NUCKS1: variants seen among roughly 807,000 people sequenced by gnomAD.
NUCKS1 encodes the protein nuclear casein kinase and cyclin dependent kinase substrate 1, also known as nuclear ubiquitous casein and cyclin-dependent kinase substrate 1.
NUCKS1 carries 2 observed loss-of-function variants against 33.0 expected under a neutral mutation model. The ratio of observed to expected loss-of-function variants is 0.06; its 90% CI spans 0.02 to 0.19. The LOEUF (loss-of-function observed/expected upper bound fraction) is 0.19. Among genes scored for constraint, NUCKS1 ranks in the 10% least tolerant of loss-of-function variants. The pLI, the probability that NUCKS1 is intolerant of heterozygous loss-of-function variation, is 1.00. For missense variants in NUCKS1, 201 were observed against 293.6 expected (o/e 0.68, Z 2.31); for synonymous variants, 106 against 102.8 (o/e 1.03, Z -0.19).
chr1:205,738,274 C>T (rs776889106), intron 1 of NUCKS1, among the ~76,000 whole-genome samples: 31 of 151,964 alleles, frequency 2.0e-4, no homozygotes, highest in African/African-American at 2.9e-4. Flanking sequence ...GTGATCTGCC[C>T]GCCTTGGCCT....
At chr1:205,745,309 A>G (rs823131) in intron 1 of NUCKS1, among the ~76,000 whole-genome samples, 131,511 of 152,026 alleles carry the variant, frequency 0.87, 58,270 homozygotes, top group Non-Finnish European at 0.97. Context: ...TCTCAGCCTG[A>G]GCAACATGGT....
Position 205,750,100 on chromosome 1 carries a change from T to G in NUCKS1, c.-127A>C. 7.8e-6 allele frequency: 7 copies of G among 894,960 alleles called. No individual in the cohort carries two copies. Among genetic ancestry groups the G allele is most frequent in the Admixed American group, 2.4e-5 (1 of 40,962 alleles). The allele number at this position is 894,960 out of a possible 1,614,324, so 55.4% of individuals were successfully genotyped here. Reference sequence around the variant, plus strand: ...CCGCTGCTGCCGAACCCCGAGCTGCTGGCTTCTCAAACTCCGCTGCTCTTT... The same window carrying G: ...CCGCTGCTGCCGAACCCCGAGCTGCGGGCTTCTCAAACTCCGCTGCTCTTT... On this transcript the variant is annotated 5_prime_UTR_variant, in exon 1 of 7. Coordinates refer to ENST00000367142, the MANE Select transcript of NUCKS1 (RefSeq NM_022731.5).
At chr1:205,725,923 C>T (rs1251492782) in intron 3 of NUCKS1, among the ~76,000 whole-genome samples, 10 of 151,952 alleles carry the variant, frequency 6.6e-5, no homozygotes, top group African/African-American at 1.5e-4. Context: ...CTGTTTGGCC[C>T]GGCGCGGTGG....
chr1:205,729,849 T>C lies in NUCKS1; in HGVS notation c.18-228A>G, dbSNP rs537385332. ...TCAGCCTAACCAACATAGAGAAACC[T>C]TGTCTCTACTAAAAACACAAAATTA... is the stretch of plus-strand genomic sequence containing the variant. On this transcript the variant is annotated intron_variant, in intron 1 of 6. Transcript: ENST00000367142. Among the ~76,000 whole-genome samples, 105 of 152,038 alleles carry C rather than the reference T, an allele frequency of 6.9e-4. No homozygotes were observed. The highest frequency in any genetic ancestry group is 2.2e-3 in the African/African-American group (93 of 41,482).
Position 205,717,548 on chromosome 1 carries a change from T to A in NUCKS1, c.*732A>T. On this transcript the variant is annotated 3_prime_UTR_variant, in exon 7 of 7. Coordinates refer to ENST00000367142, the MANE Select transcript of NUCKS1 (RefSeq NM_022731.5). ...GACTGTAGCAGGATAAAAGGATCAC[T>A]GGCTCCGAGTCTCTTTGAGATAACA... 1.0e-6 allele frequency: 1 copy of A among 985,088 alleles called. No homozygotes were observed. The highest frequency in any genetic ancestry group is 1.7e-5 in the African/African-American group (1 of 57,230). 61.0% of individuals were successfully genotyped at this position (985,088 alleles called of 1,614,324 possible).
intron 1 of NUCKS1, among the ~76,000 whole-genome samples, chr1:205,749,228 A>G (rs1654410642): frequency 6.6e-6 from 1 of 152,194 alleles, no homozygotes; most frequent in Non-Finnish European, 1.5e-5. Context: ...CTAGTCGGAG[A>G]GAAAGAGCGA....
chr1:205,739,185 T>C (rs1654105328), intron 1 of NUCKS1, among the ~76,000 whole-genome samples: 1 of 152,166 alleles, frequency 6.6e-6, no homozygotes, highest in South Asian at 2.1e-4. Flanking sequence ...CATTAAGTGG[T>C]AAAAACCATT....
chr1:205,749,987 ACAGGACCGAGTCGAGAAGCCAAAGAC>A lies in NUCKS1; in HGVS notation c.-40_-15del, dbSNP rs762610266. On this transcript the variant is annotated 5_prime_UTR_variant, in exon 1 of 7. Transcript: ENST00000367142. Reference sequence around the variant, plus strand: ...AGGCCGCGACATGTTCGCTGTCGAAACAGGACCGAGTCGAGAAGCCAAAGACCAGGACCCCCCCCACCCCGCGCGCT... The same window carrying A: ...AGGCCGCGACATGTTCGCTGTCGAAACAGGACCCCCCCCACCCCGCGCGCT... 1.3e-6 allele frequency: 2 copies of A among 1,593,066 alleles called. No individual in the cohort carries two copies. The highest frequency in any genetic ancestry group is 1.1e-5 in the South Asian group (1 of 90,416).
chr1:205,749,799 C>G (rs1235951576), intron 1 of NUCKS1, among the ~76,000 whole-genome samples, 158 bp downstream of exon 1: 3 of 151,188 alleles, frequency 2.0e-5, no homozygotes, highest in Non-Finnish European at 4.4e-5. Flanking sequence ...CGCGCGCCAG[C>G]AGGGCCCCCC....
intron 1 of NUCKS1, among the ~76,000 whole-genome samples, chr1:205,748,978 A>T (rs1031191312): frequency 6.6e-6 from 1 of 152,218 alleles, no homozygotes; most frequent in Non-Finnish European, 1.5e-5. Flanking sequence ...GGAGAATGGC[A>T]TAGGACGATT....
rs182934830 is a variant in NUCKS1, at chr1:205,729,938, T to C, written c.18-317A>G. 4.0e-4 allele frequency among the ~76,000 whole-genome samples: 60 copies of C among 151,830 alleles called. 1 individual carries two copies. Among genetic ancestry groups the C allele is most frequent in the African/African-American group, 1.3e-3 (54 of 41,380 alleles). On this transcript the variant is annotated intron_variant, in intron 1 of 6. Transcript: ENST00000367142. ...TGGGAAGCTGAGGTAGGAGAATCAC[T>C]TGAACCCAGGGGTCAGAGGTTGTGG...
chr1:205,734,739 C>T lies in NUCKS1; in HGVS notation c.18-5118G>A, dbSNP rs145651960. ...TGAAACCCCATCTCCACTAAAAATA[C>T]AAAAAATTAGCCAGGCGTGGTGGCG... is the stretch of plus-strand genomic sequence containing the variant. On this transcript the variant is annotated intron_variant, in intron 1 of 6. Transcript: ENST00000367142. Among the ~76,000 whole-genome samples the T allele has an allele frequency of 7.3e-3, 1,109 of 151,404 alleles. 19 individuals are homozygous for T. Among genetic ancestry groups the T allele is most frequent in the African/African-American group, 0.025 (1,050 of 41,204 alleles).
intron 1 of NUCKS1, among the ~76,000 whole-genome samples, chr1:205,729,947 G>C (rs71633561): frequency 0.13 from 19,477 of 151,662 alleles, 2,111 homozygotes; most frequent in East Asian, 0.53. Context: ...CTTGAACCCA[G>C]GGGTCAGAGG....
rs1671813403 is a variant in NUCKS1, at chr1:205,715,911, C to G, written c.*2369G>C. The G allele has an allele frequency of 6.6e-6, 1 of 152,246 alleles. No homozygotes were observed. The highest frequency in any genetic ancestry group is 1.5e-5 in the Non-Finnish European group (1 of 68,048). 9.4% of individuals were successfully genotyped at this position (152,246 alleles called of 1,614,324 possible). A position where few individuals can be genotyped will look rare whatever the true frequency, so the allele number is the denominator to read the frequency against. ...CCTGTATCCAGTTGAGTCACCACCA[C>G]TGTCCTCCTATTTGCATGCATGATT... On this transcript the variant is annotated 3_prime_UTR_variant, in exon 7 of 7. Coordinates refer to ENST00000367142, the MANE Select transcript of NUCKS1 (RefSeq NM_022731.5).
intron 1 of NUCKS1, among the ~76,000 whole-genome samples, chr1:205,741,716 T>TA (rs1260584137): frequency 3.3e-5 from 5 of 152,208 alleles, no homozygotes; most frequent in African/African-American, 1.2e-4. Flanking sequence ...AGTATCTTGA[T>TA]AGACTATAAG....
At chr1:205,738,184 C>T (rs867072768) in intron 1 of NUCKS1, among the ~76,000 whole-genome samples, 30 of 152,212 alleles carry the variant, frequency 2.0e-4, no homozygotes, top group Middle Eastern at 3.4e-3. Flanking sequence ...CACCACCATG[C>T]CCGGCTACTT....
At chr1:205,747,222 T>C (rs751688789) in intron 1 of NUCKS1, among the ~76,000 whole-genome samples, 2 of 152,132 alleles carry the variant, frequency 1.3e-5, no homozygotes, top group South Asian at 2.1e-4. Flanking sequence ...AGCCCAACAT[T>C]TGCACCTGCT....
rs1286740622 is a variant in NUCKS1 at position 205,723,870 on chromosome 1, TAATAA to T, written c.229+51_229+55del. The T allele has an allele frequency of 7.3e-6, 9 of 1,241,076 alleles. No homozygotes were observed. In the African/African-American group the frequency reaches 1.4e-4, roughly 19 times the overall value. 76.9% of individuals were successfully genotyped at this position (1,241,076 alleles called of 1,614,324 possible). A position where few individuals can be genotyped will look rare whatever the true frequency, so the allele number is the denominator to read the frequency against. ...CATAGAAATCACTTATTAAAACATC[TAATAA>T]AATAATATACAAATATAATTATACC... is the stretch of plus-strand genomic sequence containing the variant. On this transcript the variant is annotated intron_variant, in intron 4 of 6. Coordinates refer to ENST00000367142, the MANE Select transcript of NUCKS1 (RefSeq NM_022731.5).
rs930830214 is a variant in NUCKS1 at position 205,714,245 on chromosome 1, C to G, written c.*4035G>C. The G allele has an allele frequency of 5.9e-5, 9 of 152,000 alleles. No homozygotes were observed. The highest frequency in any genetic ancestry group is 2.2e-4 in the African/African-American group (9 of 41,358). 9.4% of individuals were successfully genotyped at this position (152,000 alleles called of 1,614,324 possible). ...TAGGGCATAAGCTGAGTACTATACC[C>G]CCACACCCCATCAAAAAAGGAACAA... On this transcript the variant is annotated 3_prime_UTR_variant, in exon 7 of 7. Transcript: ENST00000367142.
Sources: allele counts gnomAD v4.1 joint callset (sites outside exome capture counted in the v4.1 genomes callset), GRCh38; gene constraint gnomAD v4.1.1; transcripts MANE v1.5; gene names NCBI Gene and HGNC (gene_info 2026-07-23, HGNC 2026-07-21).